TEAD1: variants seen among roughly 807,000 people sequenced by gnomAD.
TEAD1 encodes TEA domain transcription factor 1, also known as transcriptional enhancer factor TEF-1.
A neutral mutation model predicts 54.9 loss-of-function variants in TEAD1; 9 were observed. That is an observed-to-expected ratio of 0.16 (90% confidence interval 0.10 to 0.29). TEAD1 has a LOEUF of 0.29. TEAD1 is among the 10% of genes least tolerant of loss of function. TEAD1 has a pLI of 1.00. For missense variants in TEAD1, 387 were observed against 535.9 expected (o/e 0.72, Z 2.74); for synonymous variants, 200 against 187.8 (o/e 1.07, Z -0.53).
At position 12,878,564 on chromosome 11, in the gene TEAD1, A is replaced by G. The variant is rs1947903094; in HGVS notation, c.331-1144A>G. On this transcript the variant is annotated intron_variant, in intron 5 of 12. Coordinates refer to ENST00000527636, the MANE Select transcript of TEAD1 (RefSeq NM_021961.6). ...TGCCTGTGCCCACCGGGCCTGTCTC[A>G]TACCAGGAGGCTATTTCTCTGTCTG... is the stretch of plus-strand genomic sequence containing the variant. Among the ~76,000 whole-genome samples, 5 of 152,114 alleles carry G rather than the reference A, an allele frequency of 3.3e-5. No individual in the cohort carries two copies. The South Asian group carries it at 1.0e-3, about 32-fold the overall frequency.
intron 2 of TEAD1, among the ~76,000 whole-genome samples, chr11:12,712,709 A>C (rs1943969419): frequency 6.6e-6 from 1 of 152,196 alleles, no homozygotes; most frequent in African/African-American, 2.4e-5. Context: ...CGTGAGAATA[A>C]TAGGGAGTAA....
intron 3 of TEAD1, among the ~76,000 whole-genome samples, chr11:12,835,583 G>A (rs961648322): frequency 2.0e-5 from 3 of 151,934 alleles, no homozygotes; most frequent in Non-Finnish European, 2.9e-5. Context: ...GCCTCCCAAA[G>A]TGTTGGGATT....
At chr11:12,743,385 G>T (rs1944684367) in intron 2 of TEAD1, among the ~76,000 whole-genome samples, 1 of 152,194 alleles carries the variant, frequency 6.6e-6, no homozygotes, top group Non-Finnish European at 1.5e-5. Context: ...TAGTATTTCA[G>T]TATTTTTGAT....
chr11:12,925,323 G>A (rs370214017), intron 11 of TEAD1, among the ~76,000 whole-genome samples: 2 of 152,178 alleles, frequency 1.3e-5, no homozygotes, highest in East Asian at 3.9e-4. Context: ...AGGTGAAGGG[G>A]AAGCAAGGCA....
At chr11:12,821,148 G>C (rs1463786936) in intron 3 of TEAD1, among the ~76,000 whole-genome samples, 1 of 152,214 alleles carries the variant, frequency 6.6e-6, no homozygotes, top group Non-Finnish European at 1.5e-5. Context: ...CCCAGAGCCA[G>C]ATCCTGTGTG....
intron 5 of TEAD1, among the ~76,000 whole-genome samples, chr11:12,869,799 CA>C (rs1464920360): frequency 6.6e-6 from 1 of 152,112 alleles, no homozygotes; most frequent in Non-Finnish European, 1.5e-5. Flanking sequence ...ATTTTCTTGC[CA>C]CTTACTTCCC....
intron 2 of TEAD1, among the ~76,000 whole-genome samples, chr11:12,700,026 A>G (rs1943663740): frequency 6.6e-6 from 1 of 152,254 alleles, no homozygotes; most frequent in South Asian, 2.1e-4. Context: ...TATTTGGGAA[A>G]TAATGCTGTG....
At chr11:12,822,077 C>T (rs974368027) in intron 3 of TEAD1, among the ~76,000 whole-genome samples, 2 of 149,764 alleles carry the variant, frequency 1.3e-5, no homozygotes, top group Non-Finnish European at 3.0e-5. Flanking sequence ...CATTCTCCTG[C>T]CTCAGCCTCC....
chr11:12,812,968 T>G (rs1946336626), intron 3 of TEAD1, among the ~76,000 whole-genome samples: 1 of 152,182 alleles, frequency 6.6e-6, no homozygotes, highest in Non-Finnish European at 1.5e-5. Context: ...CAAGGGTCTG[T>G]GGTTAGTGAC....
intron 10 of TEAD1, among the ~76,000 whole-genome samples, chr11:12,919,647 C>G (rs1184791058): frequency 2.0e-5 from 3 of 151,738 alleles, no homozygotes; most frequent in Non-Finnish European, 4.4e-5. Flanking sequence ...GCACATGCCA[C>G]CATGTCCGGC....
chr11:12,781,218 T>G (rs550270025), intron 3 of TEAD1, among the ~76,000 whole-genome samples: 1 of 152,340 alleles, frequency 6.6e-6, no homozygotes, highest in African/African-American at 2.4e-5. Context: ...AAGCTATGAT[T>G]ATGAAACTCC....
intron 3 of TEAD1, among the ~76,000 whole-genome samples, chr11:12,820,567 C>G (rs1024937123): frequency 6.6e-6 from 1 of 152,116 alleles, no homozygotes; most frequent in Non-Finnish European, 1.5e-5. Context: ...TAAAAGAAGA[C>G]TTTGGAGTAG....
intron 5 of TEAD1, among the ~76,000 whole-genome samples, chr11:12,868,008 C>T (rs935111653): frequency 1.3e-5 from 2 of 152,140 alleles, no homozygotes; most frequent in Admixed American, 6.5e-5. Flanking sequence ...ACTCAGACGT[C>T]GAAGGGGTAG....
chr11:12,686,350 G>T (rs954057010), intron 2 of TEAD1, among the ~76,000 whole-genome samples: 4 of 152,148 alleles, frequency 2.6e-5, no homozygotes, highest in Non-Finnish European at 5.9e-5. Flanking sequence ...TGAGGCCACA[G>T]CTACAATAGA....
chr11:12,895,958 C>T (rs538051844), intron 9 of TEAD1, among the ~76,000 whole-genome samples: 2 of 147,576 alleles, frequency 1.4e-5, no homozygotes, highest in East Asian at 2.0e-4. Context: ...TTTCAGTCCC[C>T]CTATGTGCTT....
At chr11:12,903,358 T>G (rs78351538) in intron 10 of TEAD1, among the ~76,000 whole-genome samples, 2,474 of 152,270 alleles carry the variant, frequency 0.016, 72 homozygotes, top group African/African-American at 0.056. Flanking sequence ...AGCAAGAACC[T>G]TACACAACAA....
At chr11:12,935,394 C>T (rs984380086) in intron 12 of TEAD1, among the ~76,000 whole-genome samples, 15 of 152,148 alleles carry the variant, frequency 9.9e-5, no homozygotes, top group African/African-American at 3.6e-4. Context: ...ATAGTAAACA[C>T]TCAATATTTG....
chr11:12,698,921 T>G (rs973006116), intron 2 of TEAD1, among the ~76,000 whole-genome samples: 6 of 152,218 alleles, frequency 3.9e-5, no homozygotes, highest in Non-Finnish European at 8.8e-5. Flanking sequence ...ATATAACTTT[T>G]TCATGCAGAA....
intron 9 of TEAD1, among the ~76,000 whole-genome samples, chr11:12,895,813 A>G (rs1241913033): frequency 6.6e-6 from 1 of 152,038 alleles, no homozygotes; most frequent in Non-Finnish European, 1.5e-5. Context: ...TAATATATTT[A>G]CCTCCACATT....
Sources: allele counts gnomAD v4.1 joint callset (sites outside exome capture counted in the v4.1 genomes callset), GRCh38; gene constraint gnomAD v4.1.1; transcripts MANE v1.5; gene names NCBI Gene and HGNC (gene_info 2026-07-23, HGNC 2026-07-21).